The following HNRNPM variants were observed in gnomAD, a reference collection of about 807,000 sequenced individuals.
HNRNPM encodes the protein heterogeneous nuclear ribonucleoprotein M.
Under a neutral mutation model 73.1 loss-of-function variants are expected in HNRNPM, and 11 were observed. That is an observed-to-expected ratio of 0.15 (90% CI 0.09 to 0.25). The LOEUF is 0.25. Among genes scored for constraint, HNRNPM ranks in the 10% least tolerant of loss-of-function variants. HNRNPM has a pLI of 1.00. For missense variants in HNRNPM, 789 were observed against 1,067.9 expected (o/e 0.74, Z 3.64); for synonymous variants, 407 against 355.2 (o/e 1.15, Z -1.64).
intron 9 of HNRNPM, among the ~76,000 whole-genome samples, chr19:8,471,112 G>A (rs528137274): frequency 2.6e-5 from 4 of 151,216 alleles, no homozygotes; most frequent in South Asian, 4.2e-4. Context: ...GTTTTCAGCC[G>A]CCTTTGTTGT....
rs374672886 is a variant in HNRNPM at position 8,485,763 on chromosome 19, C to T, written c.1335C>T (p.Gly445=). The T allele has an allele frequency of 7.5e-6, 12 of 1,604,236 alleles. No homozygotes were observed. The highest frequency in any genetic ancestry group is 6.7e-5 in the African/African-American group (5 of 74,668). The change falls in exon 14 of 16, where the codon GGC becomes GGT. Residue 445 remains glycine (G), a synonymous_variant. Coordinates refer to ENST00000325495, the MANE Select transcript of HNRNPM (RefSeq NM_005968.5). ...TGGGCCTGGTCATGGACCGCATGGG[C>T]TCCGTGGAGCGCATGGGCTCCGGCA... ...ERMGLVMDRM[G]SVERMGSGIE... is the part of the protein sequence containing the mutation.
intron 12 of HNRNPM, among the ~76,000 whole-genome samples, chr19:8,482,284 G>A (rs555654673): frequency 3.9e-5 from 6 of 152,202 alleles, no homozygotes; most frequent in Admixed American, 1.3e-4. Flanking sequence ...CTTTGTGGCC[G>A]TGGTCATAAA....
At chr19:8,461,665 A>C (rs1969406729) in intron 2 of HNRNPM, among the ~76,000 whole-genome samples, 1 of 151,822 alleles carries the variant, frequency 6.6e-6, no homozygotes, top group South Asian at 2.1e-4. Flanking sequence ...GTAGATTAGA[A>C]TCATATGAGT....
chr19:8,477,660 C>CAAAAAA (rs35193948), intron 12 of HNRNPM, among the ~76,000 whole-genome samples: 56 of 117,078 alleles, frequency 4.8e-4, no homozygotes, highest in African/African-American at 1.9e-3. Flanking sequence ...AACCCTGTCT[C>CAAAAAA]AAAAAAAAAA....
At chr19:8,473,108 A>C (rs373579118) in intron 10 of HNRNPM, among the ~76,000 whole-genome samples, 73 of 152,158 alleles carry the variant, frequency 4.8e-4, no homozygotes, top group African/African-American at 1.7e-3. Context: ...AAAATCAGCC[A>C]GGTGTGGTGG....
In HNRNPM at chr19:8,474,778, G is replaced by A. The variant is rs190384688; in HGVS notation, c.1120+534G>A. On this transcript the variant is annotated intron_variant, in intron 12 of 15. Transcript: ENST00000325495. ...CACCTAGGCTGGAGTGCAATGGTGC[G>A]ATCTTGGCTCACTGCAACCTCCGCC... 8.1e-5 allele frequency among the ~76,000 whole-genome samples: 12 copies of A among 148,942 alleles called. No individual in the cohort carries two copies. In the East Asian group the frequency reaches 1.8e-3, roughly 22 times the overall value.
chr19:8,469,755 G>GTGTGC (rs1970002233), intron 9 of HNRNPM, among the ~76,000 whole-genome samples: 1 of 152,244 alleles, frequency 6.6e-6, no homozygotes, highest in Non-Finnish European at 1.5e-5. Context: ...AGAGGCCTGT[G>GTGTGC]TGTGCTGTGC....
At chr19:8,449,384 T>C (rs1189587226) in intron 1 of HNRNPM, among the ~76,000 whole-genome samples, 1 of 152,242 alleles carries the variant, frequency 6.6e-6, no homozygotes, top group Non-Finnish European at 1.5e-5. Context: ...GTAATGATTA[T>C]GATGCCTAGG....
At chr19:8,448,519 G>C (rs979968374) in intron 1 of HNRNPM, among the ~76,000 whole-genome samples, 3 of 145,458 alleles carry the variant, frequency 2.1e-5, no homozygotes, top group Non-Finnish European at 4.5e-5. Flanking sequence ...TGCCCAGGCT[G>C]GAGTGCAGTG....
Position 8,462,694 on chromosome 19 carries a change from C to G in HNRNPM, c.336+113C>G. 3 of 906,286 alleles carry G rather than the reference C, an allele frequency of 3.3e-6. No individual in the cohort carries two copies. Among genetic ancestry groups the G allele is most frequent in the Non-Finnish European group, 5.5e-6 (3 of 546,446 alleles). 56.1% of individuals were successfully genotyped at this position (906,286 alleles called of 1,614,324 possible). On this transcript the variant is annotated intron_variant, in intron 3 of 15. Transcript: ENST00000325495. The surrounding 1 kb of genome is among the most constrained non-coding windows in gnomAD (Gnocchi z 4.5). ...GCAGTGAGTGCTCATGTTACAGTAG[C>G]TATGTTTGATTTTGCCAAACATTTG... is the stretch of plus-strand genomic sequence containing the variant.
At chr19:8,450,466 C>A (rs967137924) in intron 1 of HNRNPM, among the ~76,000 whole-genome samples, 1 of 151,978 alleles carries the variant, frequency 6.6e-6, no homozygotes, top group African/African-American at 2.4e-5. Context: ...GGCTGGGGTG[C>A]AGTGTACGAT....
At chr19:8,456,942 GT>G (rs1402159400) in intron 2 of HNRNPM, among the ~76,000 whole-genome samples, 2 of 152,150 alleles carry the variant, frequency 1.3e-5, no homozygotes, top group Non-Finnish European at 2.9e-5. Context: ...AGTGTTCTTG[GT>G]TTTTGGGACT....
chr19:8,463,433 C>G, intron 3 of HNRNPM, 64 bp from the exon 4 acceptor site: 1 of 1,515,166 alleles, frequency 6.6e-7, no homozygotes, highest in Non-Finnish European at 9.2e-7. Context: ...TTGATATTTA[C>G]TATTTTTTTC....
intron 10 of HNRNPM, among the ~76,000 whole-genome samples, chr19:8,472,099 A>G (rs1214599266): frequency 7.0e-6 from 1 of 143,116 alleles, no homozygotes; most frequent in African/African-American, 2.6e-5. Flanking sequence ...TGAACCCGGG[A>G]GGCGGAGGTT....
intron 1 of HNRNPM, among the ~76,000 whole-genome samples, chr19:8,449,298 G>T (rs1968448321): frequency 6.6e-6 from 1 of 152,016 alleles, no homozygotes; most frequent in Non-Finnish European, 1.5e-5. Context: ...TGGGAGGGGG[G>T]GTTCTCCAAT....
chr19:8,447,303 T>C (rs950246426), intron 1 of HNRNPM, among the ~76,000 whole-genome samples: 2 of 151,512 alleles, frequency 1.3e-5, no homozygotes, highest in African/African-American at 4.8e-5. Flanking sequence ...GAAATCTCTT[T>C]AGAAGCCTAT....
At chr19:8,482,009 C>T (rs1170249988) in intron 12 of HNRNPM, among the ~76,000 whole-genome samples, 1 of 136,644 alleles carries the variant, frequency 7.3e-6, no homozygotes, top group Non-Finnish European at 1.5e-5. Context: ...GAGTCTCACT[C>T]TTGCCCAGGC....
chr19:8,479,771 A>AT (rs1970773957), intron 12 of HNRNPM, among the ~76,000 whole-genome samples: 1,649 of 75,812 alleles, frequency 0.022, 26 homozygotes, highest in Non-Finnish European at 0.032. Context: ...AAAAAAAAAA[A>AT]ATTTTTTTTT....
At chr19:8,445,652 C>T (rs1459765724) in intron 1 of HNRNPM, 1 of 152,404 alleles carries the variant, frequency 6.6e-6, no homozygotes, top group African/African-American at 2.4e-5. Context: ...CCCCTCCTGC[C>T]CCGCCCCTTA....
Sources: allele counts gnomAD v4.1 joint callset (sites outside exome capture counted in the v4.1 genomes callset), GRCh38; gene constraint gnomAD v4.1.1; non-coding constraint Gnocchi (gnomAD v3.1); transcripts MANE v1.5; gene names NCBI Gene and HGNC (gene_info 2026-07-23, HGNC 2026-07-21).